SKI: variants seen among roughly 807,000 people sequenced by gnomAD.
SKI encodes SKI proto-oncogene, also known as ski oncogene.
SKI carries 23 observed loss-of-function variants against 59.3 expected under a neutral mutation model. The observed-to-expected ratio is 0.39, with a 90% CI of 0.28 to 0.55. The LOEUF is 0.55. Among genes scored for constraint, SKI ranks in the 20% least tolerant of loss-of-function variants. The pLI, the probability that SKI is intolerant of heterozygous loss-of-function variation, is 0.67. For synonymous variants in SKI, 673 were observed against 488.6 expected, an observed-to-expected ratio of 1.38 and a Z score of -4.98; for missense variants, 1,017 against 1,038.9, an observed-to-expected ratio of 0.98 and a Z score of 0.29.
chr1:2,277,527 G>T (rs1223386361), intron 1 of SKI, among the ~76,000 whole-genome samples: 1 of 152,120 alleles, frequency 6.6e-6, no homozygotes, highest in East Asian at 1.9e-4. Flanking sequence ...TTCACCACCC[G>T]CCATGATTCT....
intron 1 of SKI, among the ~76,000 whole-genome samples, chr1:2,262,754 A>T (rs1436764466): frequency 1.3e-5 from 2 of 152,028 alleles, no homozygotes; most frequent in African/African-American, 4.8e-5. Flanking sequence ...TGAGATTATT[A>T]ATATGGTGAG....
intron 1 of SKI, among the ~76,000 whole-genome samples, chr1:2,237,051 G>T (rs1638762913): frequency 6.6e-6 from 1 of 152,180 alleles, no homozygotes; most frequent in Admixed American, 6.5e-5. Context: ...TGTCCTGAGG[G>T]TTCCACCCCA....
intron 1 of SKI, among the ~76,000 whole-genome samples, chr1:2,241,799 GACCCATT>G (rs1638880960): frequency 1.3e-5 from 2 of 152,206 alleles, no homozygotes; most frequent in Admixed American, 1.3e-4. Flanking sequence ...CGCTCACCAT[GACCCATT>G]ACCTTGCCTA....
At chr1:2,243,326 C>T (rs1044418402) in intron 1 of SKI, among the ~76,000 whole-genome samples, 1 of 152,268 alleles carries the variant, frequency 6.6e-6, no homozygotes, top group South Asian at 2.1e-4. Flanking sequence ...GCTTCATCCC[C>T]GCCCTGCCCT....
At position 2,278,529 on chromosome 1, in the gene SKI, C is replaced by T. The variant is rs577682556; in HGVS notation, c.970-24449C>T. On this transcript the variant is annotated intron_variant, in intron 1 of 6. Transcript: ENST00000378536. ...CCTCCCCATCTGTGCGTGGCCTCAGCGCAGCAGGCCTGTCCTGCCCATTGC... is the reference window on the plus strand; with the variant it reads ...CCTCCCCATCTGTGCGTGGCCTCAGTGCAGCAGGCCTGTCCTGCCCATTGC... 4.6e-5 allele frequency among the ~76,000 whole-genome samples: 7 copies of T among 152,318 alleles called. No homozygotes were observed. In the South Asian group the frequency reaches 6.2e-4, roughly 14 times the overall value.
chr1:2,284,584 G>A (rs60491613), intron 1 of SKI, among the ~76,000 whole-genome samples: 3,126 of 152,264 alleles, frequency 0.021, 109 homozygotes, highest in African/African-American at 0.07. Context: ...GTGGTGTGGG[G>A]GTGGTAGAAT....
At chr1:2,250,132 C>G (rs764665410) in intron 1 of SKI, among the ~76,000 whole-genome samples, 1 of 152,194 alleles carries the variant, frequency 6.6e-6, no homozygotes, top group Non-Finnish European at 1.5e-5. Context: ...TCTCGAACTC[C>G]TGACCTCAAG....
At chr1:2,265,985 T>TA (rs949456673) in intron 1 of SKI, among the ~76,000 whole-genome samples, 16 of 151,416 alleles carry the variant, frequency 1.1e-4, no homozygotes, top group African/African-American at 3.2e-4. Context: ...AAAATAAAAT[T>TA]AAAAAAAAAT....
chr1:2,300,354 C>T (rs1017829094), intron 1 of SKI, among the ~76,000 whole-genome samples: 5 of 151,720 alleles, frequency 3.3e-5, no homozygotes, highest in Admixed American at 6.5e-5. Context: ...CGTGCTCCTG[C>T]CTCGTGGCCT....
chr1:2,237,101 C>T (rs549656566), intron 1 of SKI, among the ~76,000 whole-genome samples: 9 of 152,276 alleles, frequency 5.9e-5, no homozygotes, highest in East Asian at 3.9e-4. Context: ...TGGCCCTTCC[C>T]GACCAGACCT....
chr1:2,263,692 C>A (rs1224112792), intron 1 of SKI, among the ~76,000 whole-genome samples: 1 of 150,752 alleles, frequency 6.6e-6, no homozygotes, highest in African/African-American at 2.4e-5. Context: ...AGAATTTTTT[C>A]TTTTAAAAAT....
chr1:2,268,041 G>C lies in SKI; in HGVS notation c.970-34937G>C, dbSNP rs968330136. ...GGACGCTACTCACCCTTAGAAGCAG[G>C]TTCCCACAGGCCAGGGCACTCCCAA... is the stretch of plus-strand genomic sequence containing the variant. On this transcript the variant is annotated intron_variant, in intron 1 of 6. Transcript: ENST00000378536. The surrounding 1 kb of genome is among the most constrained non-coding windows in gnomAD (Gnocchi z 5.0). Among the ~76,000 whole-genome samples the C allele has an allele frequency of 1.3e-5, 2 of 152,146 alleles. No individual in the cohort carries two copies. The highest frequency in any genetic ancestry group is 2.4e-5 in the African/African-American group (1 of 41,438).
At chr1:2,252,520 G>A (rs550057001) in intron 1 of SKI, among the ~76,000 whole-genome samples, 1 of 152,284 alleles carries the variant, frequency 6.6e-6, no homozygotes, top group African/African-American at 2.4e-5. Flanking sequence ...GCTGCTGACT[G>A]AGGGTCTTTA....
At chr1:2,290,803 C>G (rs1315959688) in intron 1 of SKI, among the ~76,000 whole-genome samples, 1 of 152,168 alleles carries the variant, frequency 6.6e-6, no homozygotes, top group East Asian at 1.9e-4. Flanking sequence ...CGCATTGTCA[C>G]CCCCTCCTGC....
chr1:2,305,455 G>GC (rs144625595), intron 5 of SKI, among the ~76,000 whole-genome samples: 2,087 of 152,206 alleles, frequency 0.014, 49 homozygotes, highest in African/African-American at 0.047. Flanking sequence ...CCAGTCCCTC[G>GC]CCCCAGCACG....
rs571767558 is a variant in SKI, at chr1:2,277,848, C to T, written c.970-25130C>T. ...CCTGCACTCACGCACTCAGGACCGACGGACATACGTGCACACACACATCAG... is the reference window on the plus strand; with the variant it reads ...CCTGCACTCACGCACTCAGGACCGATGGACATACGTGCACACACACATCAG... On this transcript the variant is annotated intron_variant, in intron 1 of 6. Transcript: ENST00000378536. Among the ~76,000 whole-genome samples the T allele has an allele frequency of 4.3e-5, 6 of 138,696 alleles. No homozygotes were observed. In the South Asian group the frequency reaches 7.7e-4, roughly 18 times the overall value. 91.0% of individuals were successfully genotyped at this position (138,696 alleles called of 152,430 possible).
intron 1 of SKI, among the ~76,000 whole-genome samples, chr1:2,240,195 C>T (rs746210614): frequency 2.6e-5 from 4 of 152,212 alleles, no homozygotes; most frequent in South Asian, 2.1e-4. Flanking sequence ...TGCTGTCCTC[C>T]GGGTTCTTCT....
intron 1 of SKI, among the ~76,000 whole-genome samples, chr1:2,239,080 G>GT (rs1192603533): frequency 3.9e-5 from 6 of 152,172 alleles, no homozygotes; most frequent in Non-Finnish European, 8.8e-5. Context: ...CTACAACCCT[G>GT]TTGCCCAAAC....
At chr1:2,280,387 A>AG (rs1639846881) in intron 1 of SKI, among the ~76,000 whole-genome samples, 1 of 151,204 alleles carries the variant, frequency 6.6e-6, no homozygotes, top group Non-Finnish European at 1.5e-5. Flanking sequence ...AAAAAAAAAA[A>AG]AGTCTGACCA....
Sources: allele counts gnomAD v4.1 joint callset (sites outside exome capture counted in the v4.1 genomes callset), GRCh38; gene constraint gnomAD v4.1.1; non-coding constraint Gnocchi (gnomAD v3.1); transcripts MANE v1.5; gene names NCBI Gene and HGNC (gene_info 2026-07-23, HGNC 2026-07-21).